The following CHD9 variants were observed in gnomAD, a reference collection of about 807,000 sequenced individuals.
The protein encoded by CHD9 is ATP-dependent chromatin remodeler CHD9.
A neutral mutation model predicts 316.1 loss-of-function variants in CHD9; 77 were observed. That is an observed-to-expected ratio of 0.24 (90% CI 0.20 to 0.29). The LOEUF (loss-of-function observed/expected upper bound fraction) is 0.29, where lower values mean the gene tolerates loss of function less well. Ranked by LOEUF, CHD9 falls within the 10% of genes least tolerant of loss-of-function variation. CHD9 has a pLI of 1.00. For missense variants in CHD9, 2,763 were observed against 3,438.1 expected (o/e 0.80, Z 4.91); for synonymous variants, 1,129 against 1,158.3 (o/e 0.97, Z 0.51).
intron 1 of CHD9, among the ~76,000 whole-genome samples, chr16:53,115,861 A>G (rs7205246): frequency 0.06 from 9,176 of 152,222 alleles, 795 homozygotes; most frequent in African/African-American, 0.18. Flanking sequence ...AAGGCCTCTA[A>G]TATGAGGAAT....
At chr16:53,144,748 A>G (rs904469673) in intron 1 of CHD9, among the ~76,000 whole-genome samples, 3 of 151,636 alleles carry the variant, frequency 2.0e-5, no homozygotes, top group Non-Finnish European at 2.9e-5. Context: ...CTGGTCTCAA[A>G]CTCCTGACCT....
rs752169918 is a variant in CHD9 at position 53,326,281 on chromosome 16, A to AG, written c.*1387dup. 9.8e-5 allele frequency: 15 copies of AG among 152,512 alleles called. No individual in the cohort carries two copies. Among genetic ancestry groups the AG allele is most frequent in the Non-Finnish European group, 1.8e-4 (12 of 67,926 alleles). 9.4% of individuals were successfully genotyped at this position (152,512 alleles called of 1,614,324 possible). ...ACATAAAAATATTGACATTCTAAGGAGAGATATATGTTAGCATTTTTCTGG... is the reference window on the plus strand; with the variant it reads ...ACATAAAAATATTGACATTCTAAGGAGGAGATATATGTTAGCATTTTTCTGG... On this transcript the variant is annotated 3_prime_UTR_variant, in exon 39 of 39. Coordinates refer to ENST00000447540, the MANE Select transcript of CHD9 (RefSeq NM_001308319.2).
At chr16:53,200,370 CAAAAAA>C (rs60076527) in intron 2 of CHD9, among the ~76,000 whole-genome samples, 1 of 88,270 alleles carries the variant, frequency 1.1e-5, no homozygotes, top group African/African-American at 4.6e-5. Context: ...TACTCTGTCT[CAAAAAA>C]AAAAAAAAAA....
At chr16:53,103,331 C>T (rs888832223) in intron 1 of CHD9, among the ~76,000 whole-genome samples, 2 of 152,154 alleles carry the variant, frequency 1.3e-5, no homozygotes, top group South Asian at 2.1e-4. Flanking sequence ...CCATGCCCAG[C>T]TTAGCTTTTA....
rs1034699551 is a variant in CHD9 at position 53,267,397 on chromosome 16, A to G, written c.4424A>G (p.Asp1475Gly). 1.2e-6 allele frequency: 2 copies of G among 1,613,032 alleles called. No individual in the cohort carries two copies. The highest frequency in any genetic ancestry group is 2.7e-5 in the African/African-American group (2 of 74,874). The change falls in exon 21 of 39, where the codon GAT becomes GGT. Residue 1475 changes from aspartate to glycine, a missense_variant. Asp to Gly is a moderately conservative substitution (Grantham distance 94, BLOSUM62 -1). Coordinates refer to ENST00000447540, the MANE Select transcript of CHD9 (RefSeq NM_001308319.2). ...AELSEAESEG[D>G]EKPKLRRPCD... ...TTATCTGAAGCTGAAAGTGAAGGAG[A>G]TGAAAAGCCCAAACTCCGGAGACCC... is the stretch of plus-strand genomic sequence containing the variant.
intron 1 of CHD9, among the ~76,000 whole-genome samples, chr16:53,092,819 T>G (rs377549367): frequency 2.0e-5 from 3 of 152,250 alleles, no homozygotes; most frequent in East Asian, 3.9e-4. Context: ...CACTTTGTCA[T>G]CCAGGCTGGA....
Position 53,236,068 on chromosome 16 carries a change from T to C in CHD9, c.2633+762T>C, listed in dbSNP as rs564088695. 6.6e-5 allele frequency among the ~76,000 whole-genome samples: 10 copies of C among 152,300 alleles called. No homozygotes were observed. In the South Asian group the frequency reaches 2.1e-3, roughly 32 times the overall value. On this transcript the variant is annotated intron_variant, in intron 11 of 38. Coordinates refer to ENST00000447540, the MANE Select transcript of CHD9 (RefSeq NM_001308319.2). ...TGGACTCAGTCGATGGAAAGAGGCC[T>C]GTTATCCCCACAGTGCTCTTTTCCC... is the stretch of plus-strand genomic sequence containing the variant.
chr16:53,274,399 T>A, intron 24 of CHD9, 97 bp downstream of exon 24: 2 of 632,810 alleles, frequency 3.2e-6, no homozygotes, highest in Non-Finnish European at 5.4e-6. Context: ...CTCTGCCTCC[T>A]GAGAGGCTCG....
rs776413800 is a variant in CHD9, at chr16:53,306,257, G to A, written c.6640G>A (p.Ala2214Thr). The part of the protein sequence containing the change: ...QKRESTTHMK[A>T]YDEESVASLS... ...AGCAGAAAGTACTACTCACATGAAA[G>A]CCTATGATGAAGAAAGCGTCGCGTC... Residue 2214 changes from alanine to threonine, a missense_variant, in exon 32 of 39, where the codon GCC becomes ACC. Ala to Thr is a moderately conservative substitution (Grantham distance 58). Around this residue, in one of 15 missense-constraint regions of CHD9, gnomAD observed 663 missense variants for 751.2 expected, o/e 0.88. Transcript: ENST00000447540. 3.8e-6 allele frequency: 6 copies of A among 1,579,088 alleles called. No homozygotes were observed. In the South Asian group the frequency reaches 5.9e-5, roughly 16 times the overall value.
intron 15 of CHD9, 48 bp from the exon 16 acceptor site, chr16:53,247,245 T>C (rs1327174513): frequency 7.5e-7 from 1 of 1,336,590 alleles, no homozygotes; most frequent in Admixed American, 2.1e-5. Context: ...CAATTGGGAA[T>C]TTCCTGCATT....
At chr16:53,121,326 T>C (rs1469989519) in intron 1 of CHD9, 1 of 455,904 alleles carries the variant, frequency 2.2e-6, no homozygotes, top group Non-Finnish European at 4.4e-6. Flanking sequence ...AGTGCTTATG[T>C]TACCCAAAGA....
At chr16:53,267,054 C>T (rs2051766345) in intron 20 of CHD9, among the ~76,000 whole-genome samples, 1 of 151,992 alleles carries the variant, frequency 6.6e-6, no homozygotes, top group Non-Finnish European at 1.5e-5. Flanking sequence ...TATTAATATA[C>T]AAAATATCAA....
At position 53,324,318 on chromosome 16, in the gene CHD9, A is replaced by T. The variant is rs2057451574; in HGVS notation, c.8117A>T (p.Asn2706Ile). ...TGLPSGGEAK[N>I]MAAMFPMLLS... ...CTTCCTTCTGGAGGAGAAGCTAAAA[A>T]CATGGCTGCTATGTTCCCCATGCTG... Residue 2706 changes from asparagine to isoleucine, a missense_variant, in exon 39 of 39, where the codon AAC (asparagine) becomes ATC (isoleucine). By Grantham distance (149) the Asn-to-Ile change is moderately radical. This residue lies in a region of CHD9 where 298 missense variants were observed against 380.2 expected (regional missense o/e 0.78). Transcript: ENST00000447540. 1 of 1,613,878 alleles carries T rather than the reference A, an allele frequency of 6.2e-7. No homozygotes were observed. Among genetic ancestry groups the T allele is most frequent in the Admixed American group, 1.7e-5 (1 of 60,000 alleles).
rs200792558 is a variant in CHD9 at position 53,314,400 on chromosome 16, G to A, written c.7246G>A (p.Gly2416Ser). 2 of 1,580,062 alleles carry A rather than the reference G, an allele frequency of 1.3e-6. No homozygotes were observed. Among genetic ancestry groups the A allele is most frequent in the Admixed American group, 1.8e-5 (1 of 54,420 alleles). ...AGGTACTTCCATTCAACCAACCCTT[G>A]GTGCCAATGGTGTGATATTAGACAA... ...VSGTSIQPTL[G>S]ANGVILDNQP... Residue 2416 changes from glycine to serine, a missense_variant, in exon 35 of 39, where the codon GGT (glycine) becomes AGT (serine). Coordinates refer to ENST00000447540, the MANE Select transcript of CHD9 (RefSeq NM_001308319.2).
rs766829809 is a variant in CHD9, at chr16:53,321,511, G to C, written c.7714-15G>C. 6.6e-7 allele frequency: 1 copy of C among 1,525,822 alleles called. No individual in the cohort carries two copies. The highest frequency in any genetic ancestry group is 1.4e-5 in the African/African-American group (1 of 73,018). 94.5% of individuals were successfully genotyped at this position (1,525,822 alleles called of 1,614,324 possible). On this transcript the variant is annotated splice_polypyrimidine_tract_variant and intron_variant, in intron 37 of 38. Coordinates refer to ENST00000447540, the MANE Select transcript of CHD9 (RefSeq NM_001308319.2). ...GTAACAGTGTTGTAGTATTTAATCT[G>C]TTTCTAATTTACAGGTTGGAGGTGC...
At chr16:53,173,799 C>G (rs781028594) in intron 2 of CHD9, among the ~76,000 whole-genome samples, 1 of 152,058 alleles carries the variant, frequency 6.6e-6, no homozygotes, top group Non-Finnish European at 1.5e-5. Context: ...CCGCCTCAGC[C>G]TCCCAAAGTG....
intron 1 of CHD9, among the ~76,000 whole-genome samples, chr16:53,110,344 C>A (rs2037766065): frequency 6.6e-6 from 1 of 152,166 alleles, no homozygotes; most frequent in African/African-American, 2.4e-5. Flanking sequence ...GTAATGTAAT[C>A]CCAGTGCTTT....
chr16:53,130,292 G>T (rs899962360), intron 1 of CHD9, among the ~76,000 whole-genome samples: 1 of 152,196 alleles, frequency 6.6e-6, no homozygotes, highest in African/African-American at 2.4e-5. Context: ...GTCTCCGCGC[G>T]AAAGGAGAAC....
chr16:53,315,599 C>T (rs540682929), intron 36 of CHD9, among the ~76,000 whole-genome samples: 50 of 152,260 alleles, frequency 3.3e-4, no homozygotes, highest in African/African-American at 1.1e-3. Flanking sequence ...CCACCTCAGT[C>T]TCCTGAGTAG....
Sources: gnomAD v4.1 joint callset for allele counts (sites outside exome capture counted in the v4.1 genomes callset) on GRCh38, gnomAD v4.1.1 for gene constraint, gnomAD v4.1.1 regional missense constraint, MANE v1.5 for transcripts, NCBI Gene and HGNC (gene_info 2026-07-23, HGNC 2026-07-21) for gene names.